CADPS2: variants seen among roughly 807,000 people sequenced by gnomAD.
CADPS2 encodes the protein calcium dependent secretion activator 2, also known as calcium-dependent secretion activator 2.
A neutral mutation model predicts 172.5 loss-of-function variants in CADPS2; 93 were observed. That is an observed-to-expected ratio of 0.54 (90% CI 0.46 to 0.64). CADPS2 has a LOEUF of 0.64. Ranked by LOEUF, CADPS2 falls within the 30% of genes least tolerant of loss-of-function variation. CADPS2 has a pLI of 0.00. For synonymous variants in CADPS2, 546 were observed against 555.2 expected, an observed-to-expected ratio of 0.98 and a Z score of 0.23; for missense variants, 1,420 against 1,565.9, an observed-to-expected ratio of 0.91 and a Z score of 1.57.
In CADPS2 at chr7:122,345,623, A is replaced by C; in HGVS notation, c.3563T>G (p.Ile1188Ser). ...YIMFVRQNQD[I>S]LREKVNEEMY... Reference sequence around the variant, plus strand: ...TTCCTCATTGACCTTTTCTCGAAGAATATCTTGGTTTTGCCGAACAAACAT... The same window carrying C: ...TTCCTCATTGACCTTTTCTCGAAGACTATCTTGGTTTTGCCGAACAAACAT... Residue 1188 changes from isoleucine to serine, a missense_variant, in exon 28 of 30, where the codon ATT (isoleucine) becomes AGT (serine). Physicochemically the swap from Ile to Ser is moderately radical, Grantham distance 142. Coordinates refer to ENST00000449022, the MANE Select transcript of CADPS2 (RefSeq NM_017954.11). The C allele has an allele frequency of 6.2e-7, 1 of 1,613,492 alleles. No homozygotes were observed. Among genetic ancestry groups the C allele is most frequent in the Non-Finnish European group, 8.5e-7 (1 of 1,179,552 alleles).
At chr7:122,849,910 G>T in intron 1 of CADPS2, 1 of 569,506 alleles carries the variant, frequency 1.8e-6, no homozygotes, top group South Asian at 1.6e-5. Flanking sequence ...CCCCAACCAT[G>T]GCATCAGCTC....
intron 6 of CADPS2, among the ~76,000 whole-genome samples, chr7:122,600,491 A>C (rs2072589125): frequency 6.6e-6 from 1 of 152,138 alleles, no homozygotes; most frequent in Non-Finnish European, 1.5e-5. Context: ...TCATCAAAAA[A>C]GTGACTAATC....
chr7:122,363,293 G>A (rs1346333309), intron 25 of CADPS2, among the ~76,000 whole-genome samples: 1 of 152,150 alleles, frequency 6.6e-6, no homozygotes, highest in East Asian at 1.9e-4. Flanking sequence ...CATTTGCCAC[G>A]AGGACAGCGG....
chr7:122,367,539 G>GTTTTTTTTTTTTTTT (rs202155427), intron 25 of CADPS2, among the ~76,000 whole-genome samples: 1 of 100,618 alleles, frequency 9.9e-6, no homozygotes, highest in South Asian at 3.5e-4. Flanking sequence ...CCTTCCCCCA[G>GTTTTTTTTTTTTTTT]TTTTTTTTTT....
chr7:122,454,955 GA>G (rs1265398160), intron 14 of CADPS2, among the ~76,000 whole-genome samples: 1 of 152,090 alleles, frequency 6.6e-6, no homozygotes, highest in Non-Finnish European at 1.5e-5. Flanking sequence ...CTTTGTCAGA[GA>G]ACTGGCCACA....
At chr7:122,341,742 G>A (rs2036819465) in intron 28 of CADPS2, among the ~76,000 whole-genome samples, 1 of 152,150 alleles carries the variant, frequency 6.6e-6, no homozygotes, top group African/African-American at 2.4e-5. Flanking sequence ...GGGATAAAAT[G>A]GGATTGACGG....
At chr7:122,682,373 C>A (rs756383430) in intron 2 of CADPS2, among the ~76,000 whole-genome samples, 1 of 152,186 alleles carries the variant, frequency 6.6e-6, no homozygotes, top group Non-Finnish European at 1.5e-5. Context: ...TCAGCCTAAG[C>A]CATCTCTTCC....
intron 8 of CADPS2, among the ~76,000 whole-genome samples, chr7:122,542,027 AT>A (rs1200452478): frequency 6.6e-6 from 1 of 151,614 alleles, no homozygotes; most frequent in African/African-American, 2.4e-5. Context: ...TAAATTATCT[AT>A]TGTGTAATGA....
intron 6 of CADPS2, among the ~76,000 whole-genome samples, chr7:122,583,813 A>G (rs1248779457): frequency 1.3e-5 from 2 of 151,110 alleles, no homozygotes; most frequent in African/African-American, 4.9e-5. Context: ...CACATCATAT[A>G]CATATGCATA....
intron 2 of CADPS2, among the ~76,000 whole-genome samples, chr7:122,725,799 C>A (rs192743504): frequency 2.0e-5 from 3 of 151,754 alleles, no homozygotes; most frequent in Admixed American, 6.6e-5. Flanking sequence ...GGTCTTGCCT[C>A]ACATGTAGGT....
At chr7:122,353,576 A>T (rs2038968599) in intron 27 of CADPS2, among the ~76,000 whole-genome samples, 1 of 152,166 alleles carries the variant, frequency 6.6e-6, no homozygotes, top group Non-Finnish European at 1.5e-5. Flanking sequence ...AGCGTGTGTG[A>T]TAATGTTAAT....
intron 1 of CADPS2, among the ~76,000 whole-genome samples, chr7:122,743,022 G>C (rs2092568134): frequency 6.6e-6 from 1 of 151,982 alleles, no homozygotes; most frequent in African/African-American, 2.4e-5. Flanking sequence ...TTTGTCTTCA[G>C]ACTACTGTAT....
intron 14 of CADPS2, among the ~76,000 whole-genome samples, chr7:122,457,764 G>A (rs892067296): frequency 1.3e-5 from 2 of 151,960 alleles, no homozygotes; most frequent in African/African-American, 2.4e-5. Context: ...TTTATCACCT[G>A]CACAGCTTTT....
intron 27 of CADPS2, among the ~76,000 whole-genome samples, chr7:122,352,931 G>A (rs559558733): frequency 2.8e-4 from 42 of 152,324 alleles, no homozygotes; most frequent in African/African-American, 9.1e-4. Context: ...CTTAAGTAGT[G>A]AGCAGGAACT....
At chr7:122,728,658 C>T (rs976175904) in intron 2 of CADPS2, among the ~76,000 whole-genome samples, 9 of 151,666 alleles carry the variant, frequency 5.9e-5, no homozygotes, top group African/African-American at 2.2e-4. Flanking sequence ...AGAAGTACAA[C>T]GGAAGAAATT....
intron 2 of CADPS2, among the ~76,000 whole-genome samples, chr7:122,681,956 T>C (rs953019247): frequency 6.6e-6 from 1 of 151,858 alleles, no homozygotes; most frequent in Non-Finnish European, 1.5e-5. Context: ...TACATACACA[T>C]GGTATTACCA....
At chr7:122,829,224 T>C (rs1805794360) in intron 1 of CADPS2, among the ~76,000 whole-genome samples, 1 of 152,132 alleles carries the variant, frequency 6.6e-6, no homozygotes, top group Admixed American at 6.6e-5. Flanking sequence ...AGCACTGTCC[T>C]CCACTCTCAC....
chr7:122,721,344 T>C (rs1040878541), intron 2 of CADPS2, among the ~76,000 whole-genome samples: 1 of 151,964 alleles, frequency 6.6e-6, no homozygotes, highest in Non-Finnish European at 1.5e-5. Flanking sequence ...GCAATAAAAA[T>C]GATAAAGGGG....
At chr7:122,415,735 C>T (rs1182438138) in intron 18 of CADPS2, among the ~76,000 whole-genome samples, 3 of 152,100 alleles carry the variant, frequency 2.0e-5, no homozygotes, top group African/African-American at 4.8e-5. Context: ...ATTAACTTTC[C>T]CCCTTCTTCA....
Sources: allele counts gnomAD v4.1 joint callset (sites outside exome capture counted in the v4.1 genomes callset), GRCh38; gene constraint gnomAD v4.1.1; transcripts MANE v1.5; gene names NCBI Gene and HGNC (gene_info 2026-07-23, HGNC 2026-07-21).